Variants in LRP5 observed in about 807,000 individuals in gnomAD.
LRP5 encodes the protein LDL receptor related protein 5, also known as low-density lipoprotein receptor-related protein 5.
LRP5 carries 62 observed loss-of-function variants against 154.1 expected under a neutral mutation model. The ratio of observed to expected loss-of-function variants is 0.40; its 90% confidence interval spans 0.33 to 0.50. The LOEUF is 0.50. Ranked by LOEUF, LRP5 falls within the 20% of genes least tolerant of loss-of-function variation. LRP5 has a pLI of 0.55. For missense variants in LRP5, 1,915 were observed against 2,336.7 expected (o/e 0.82, Z 3.72); for synonymous variants, 966 against 1,011.5 (o/e 0.96, Z 0.85).
At chr11:68,411,347 A>G (rs2098659344) in intron 10 of LRP5, 89 bp from the exon 11 acceptor site, 3 of 1,400,424 alleles carry the variant, frequency 2.1e-6, no homozygotes, top group African/African-American at 2.8e-5. Context: ...TGAGCTGAAG[A>G]GGTGGGGACA....
At chr11:68,389,747 C>A in intron 6 of LRP5, 134 bp from the exon 7 acceptor site, 1 of 860,244 alleles carries the variant, frequency 1.2e-6, no homozygotes, top group Non-Finnish European at 2.0e-6. Context: ...CATTTACTGA[C>A]ACCAATATTT....
At position 68,413,798 on chromosome 11, in the gene LRP5, C is replaced by G; in HGVS notation, c.2613C>G (p.Ala871=). The G allele has an allele frequency of 2.5e-6, 4 of 1,613,566 alleles. No homozygotes were observed. The African/African-American group carries it at 4.0e-5, about 16-fold the overall frequency. Residue 871 remains alanine, a synonymous_variant, in exon 12 of 23, where the codon GCC becomes GCG. Coordinates refer to ENST00000294304, the MANE Select transcript of LRP5 (RefSeq NM_002335.4). This position sits in a 1 kb window ranked among gnomAD's most constrained non-coding sequence, Gnocchi z 5.1. ...GGAATCTGCACAGCATTGAGCGGGC[C>G]GACAAGACTAGCGGCCGGAACCGCA... ...TDWNLHSIER[A]DKTSGRNRTL...
chr11:68,376,643 C>T (rs991579773), intron 5 of LRP5, among the ~76,000 whole-genome samples: 13 of 152,210 alleles, frequency 8.5e-5, no homozygotes, highest in African/African-American at 2.4e-4. Context: ...TGCGGAGGGG[C>T]GCAGCCATGC....
chr11:68,340,748 A>G (rs2153125509), intron 1 of LRP5, among the ~76,000 whole-genome samples: 1 of 152,336 alleles, frequency 6.6e-6, no homozygotes, highest in South Asian at 2.1e-4. Context: ...CTTCATAGGA[A>G]CATATATGGA....
intron 4 of LRP5, among the ~76,000 whole-genome samples, chr11:68,364,356 A>ATGTGTGTGTGTGTGTGTG (rs201962983): frequency 3.9e-5 from 5 of 127,382 alleles, no homozygotes; most frequent in African/African-American, 5.8e-5. Context: ...ATATACATAT[A>ATGTGTGTGTGTGTGTGTG]TATGTGTGTG....
chr11:68,331,671 C>T (rs1338089417), intron 1 of LRP5, among the ~76,000 whole-genome samples: 1 of 152,196 alleles, frequency 6.6e-6, no homozygotes, highest in Non-Finnish European at 1.5e-5. Context: ...CGCCTGCTTC[C>T]CTGACCTTTG....
At chr11:68,407,654 C>A (rs7128992) in intron 9 of LRP5, among the ~76,000 whole-genome samples, 150,305 of 150,306 alleles carry the variant, frequency 1, 75,152 homozygotes, top group Middle Eastern at 1. Flanking sequence ...CAGCCTCACC[C>A]ACGTGGAGAA....
upstream of LRP5, among the ~76,000 whole-genome samples, chr11:68,309,145 G>C (rs1023651091): frequency 3.9e-5 from 6 of 151,954 alleles, no homozygotes; most frequent in African/African-American, 1.5e-4. Flanking sequence ...ATGTTAGCCA[G>C]GATGGTCTCG....
upstream of LRP5, among the ~76,000 whole-genome samples, chr11:68,311,205 G>C (rs1194488968): frequency 6.6e-6 from 1 of 152,186 alleles, no homozygotes; most frequent in Admixed American, 6.5e-5. Flanking sequence ...TTAAATCCTA[G>C]CCTGGCTTCC....
chr11:68,345,384 T>G (rs955873759), intron 1 of LRP5, among the ~76,000 whole-genome samples: 2 of 152,122 alleles, frequency 1.3e-5, no homozygotes, highest in South Asian at 4.1e-4. Flanking sequence ...ACCTCCAGGG[T>G]TCAAGTGATT....
chr11:68,381,013 C>T (rs2098639961), intron 5 of LRP5, among the ~76,000 whole-genome samples: 2 of 152,108 alleles, frequency 1.3e-5, no homozygotes, highest in South Asian at 2.1e-4. Flanking sequence ...ATGAGGTCAC[C>T]CTAGAGTAGG....
chr11:68,337,220 G>A (rs978437363), intron 1 of LRP5, among the ~76,000 whole-genome samples: 5 of 152,176 alleles, frequency 3.3e-5, no homozygotes, highest in African/African-American at 4.8e-5. Context: ...ATGCCGATGC[G>A]GGGTGGACAG....
intron 7 of LRP5, among the ~76,000 whole-genome samples, chr11:68,395,673 C>A (rs1430045739): frequency 1.3e-5 from 2 of 152,176 alleles, no homozygotes; most frequent in Non-Finnish European, 2.9e-5. Context: ...TGGTGGCGCA[C>A]TCTCTGGGAA....
At chr11:68,369,118 A>G (rs935506670) in intron 5 of LRP5, among the ~76,000 whole-genome samples, 2 of 152,236 alleles carry the variant, frequency 1.3e-5, no homozygotes, top group African/African-American at 4.8e-5. Flanking sequence ...GATCACAGGC[A>G]TGAGCCACTG....
At chr11:68,333,247 G>A (rs542068805) in intron 1 of LRP5, among the ~76,000 whole-genome samples, 5 of 152,294 alleles carry the variant, frequency 3.3e-5, no homozygotes, top group East Asian at 3.9e-4. Flanking sequence ...ACATAAAAGC[G>A]AGCCTGGGTG....
At chr11:68,427,985 T>G (rs1182736125) in intron 16 of LRP5, among the ~76,000 whole-genome samples, 2 of 150,100 alleles carry the variant, frequency 1.3e-5, no homozygotes, top group East Asian at 3.9e-4. Flanking sequence ...TTTTATTTAT[T>G]TATTTATTTA....
chr11:68,411,435 G>A lies in LRP5; in HGVS notation c.2319-1G>A. 6.2e-7 allele frequency: 1 copy of A among 1,610,880 alleles called. No homozygotes were observed. The highest frequency in any genetic ancestry group is 8.5e-7 in the Non-Finnish European group (1 of 1,180,018). On this transcript the variant is annotated splice_acceptor_variant, in intron 10 of 22. Coordinates refer to ENST00000294304, the MANE Select transcript of LRP5 (RefSeq NM_002335.4). LOFTEE classifies it high-confidence loss of function. Reference sequence around the variant, plus strand: ...CTGCCCTTCTCCCTTGTGCCTTCCAGCTACATCTACTGGACCGAGTGGGGC... The same window carrying A: ...CTGCCCTTCTCCCTTGTGCCTTCCAACTACATCTACTGGACCGAGTGGGGC...
chr11:68,443,581 ATATATTTTTTTT>A (rs1331193721), intron 21 of LRP5, among the ~76,000 whole-genome samples: 3 of 36,814 alleles, frequency 8.1e-5, no homozygotes, highest in East Asian at 1.7e-3. Context: ...ATATATATAT[ATATATTTTTTTT>A]TTTTTTGGTT....
upstream of LRP5, among the ~76,000 whole-genome samples, chr11:68,309,522 C>G (rs1400206056): frequency 6.6e-6 from 1 of 151,824 alleles, no homozygotes; most frequent in East Asian, 1.9e-4. Flanking sequence ...TGTGAGTCAC[C>G]GCATCCAGCC....
Sources: allele counts gnomAD v4.1 joint callset (sites outside exome capture counted in the v4.1 genomes callset), GRCh38; gene constraint gnomAD v4.1.1; non-coding constraint Gnocchi (gnomAD v3.1); transcripts MANE v1.5; gene names NCBI Gene and HGNC (gene_info 2026-07-23, HGNC 2026-07-21).